Variants in LIMCH1 observed in about 807,000 individuals in gnomAD.
The protein encoded by LIMCH1 is LIM and calponin homology domains-containing protein 1.
In LIMCH1, 113 loss-of-function variants were observed where a neutral mutation model predicts 176.5. The observed-to-expected ratio is 0.64, with a 90% CI of 0.55 to 0.75. The LOEUF is 0.75. Among genes scored for constraint, LIMCH1 ranks in the 30% least tolerant of loss-of-function variants. The probability of loss-of-function intolerance (pLI) is 0.00; values close to 1 mark genes in which losing one functional copy is unlikely to be tolerated. For missense variants in LIMCH1, 1,674 were observed against 1,814.9 expected, an observed-to-expected ratio of 0.92 and a Z score of 1.41; for synonymous variants, 619 against 645.9, an observed-to-expected ratio of 0.96 and a Z score of 0.63.
At chr4:41,463,500 A>C (rs2065670541) in intron 1 of LIMCH1, among the ~76,000 whole-genome samples, 1 of 152,050 alleles carries the variant, frequency 6.6e-6, no homozygotes, top group East Asian at 1.9e-4. Flanking sequence ...TCCAGTTAGA[A>C]ATCTATCATG....
At chr4:41,631,649 T>A (rs1039451642) in intron 10 of LIMCH1, among the ~76,000 whole-genome samples, 172 bp downstream of exon 10, 1 of 152,206 alleles carries the variant, frequency 6.6e-6, no homozygotes, top group Non-Finnish European at 1.5e-5. Context: ...GTATGTGAAG[T>A]TAAATGGCAG....
intron 1 of LIMCH1, among the ~76,000 whole-genome samples, chr4:41,461,681 T>G: frequency 6.6e-6 from 1 of 152,206 alleles, no homozygotes; most frequent in Non-Finnish European, 1.5e-5. Context: ...TCTGTTAGGT[T>G]CTTGAAAGCT....
chr4:41,613,002 G>T, intron 4 of LIMCH1: 2 of 1,551,572 alleles, frequency 1.3e-6, no homozygotes, highest in Non-Finnish European at 8.7e-7. Context: ...GCCTGTATTT[G>T]CCAGATAGTA....
rs558000207 is a variant in LIMCH1, at chr4:41,366,951, C to T, written c.96+6015C>T. ...ACGTGGCTGGGGAGGCCTCAAGAAA[C>T]TTATAATTATGATGGAAGGCAAAGG... is the stretch of plus-strand genomic sequence containing the variant. On this transcript the variant is annotated intron_variant, in intron 1 of 26. Transcript: ENST00000313860. Among the ~76,000 whole-genome samples the T allele has an allele frequency of 2.0e-5, 3 of 152,216 alleles. 1 individual carries two copies. In the East Asian group the frequency reaches 5.8e-4, roughly 29 times the overall value.
intron 17 of LIMCH1, 27 bp downstream of exon 17, chr4:41,646,920 C>T (rs1306856317): frequency 1.3e-6 from 2 of 1,582,174 alleles, no homozygotes; most frequent in South Asian, 2.3e-5. Flanking sequence ...AAGAGTAGAA[C>T]CAAAGCTGAA....
chr4:41,662,855 C>G lies in LIMCH1; in HGVS notation c.3162C>G (p.Cys1054Trp). The G allele has an allele frequency of 6.2e-7, 1 of 1,614,050 alleles. No individual in the cohort carries two copies. The highest frequency in any genetic ancestry group is 8.5e-7 in the Non-Finnish European group (1 of 1,179,970). The change falls in exon 20 of 32, where the codon TGC (cysteine) becomes TGG (tryptophan). Residue 1054 changes from cysteine (C) to tryptophan (W), a missense_variant. Coordinates refer to ENST00000503057, the MANE Select transcript of LIMCH1 (RefSeq NM_001330672.2). ...ATTTTACAACAACTGTGACTCGATG[C>G]AGCCCGACCGTGGCCTTTGTGGAAT... is the stretch of plus-strand genomic sequence containing the variant. ...PQHFTTTVTR[C>W]SPTVAFVEFP...
intron 1 of LIMCH1, among the ~76,000 whole-genome samples, chr4:41,560,098 A>G (rs918303684): frequency 7.2e-5 from 11 of 152,202 alleles, no homozygotes; most frequent in African/African-American, 2.6e-4. Context: ...CCGTTCCTCC[A>G]TCTGCATTCC....
intron 2 of LIMCH1, among the ~76,000 whole-genome samples, chr4:41,600,939 C>A (rs909321200): frequency 2.0e-5 from 3 of 151,966 alleles, no homozygotes; most frequent in Admixed American, 1.3e-4. Flanking sequence ...GTCTTTTTTT[C>A]TGTCTCCTTT....
At chr4:41,681,121 C>A in intron 25 of LIMCH1, 62 bp downstream of exon 25, 1 of 987,534 alleles carries the variant, frequency 1.0e-6, no homozygotes, top group South Asian at 1.4e-5. Flanking sequence ...GTACCAAACC[C>A]CAAGACCAAG....
In LIMCH1 at chr4:41,697,448, G is replaced by C. The variant is rs577139866; in HGVS notation, c.*263G>C. On this transcript the variant is annotated 3_prime_UTR_variant, in exon 32 of 32. Transcript: ENST00000503057. ...TAATGATCCTGAATAGCTCAAAAAA[G>C]GTTTTAGCATGGTCAAACAGGCTTA... is the stretch of plus-strand genomic sequence containing the variant. The C allele has an allele frequency of 5.8e-5, 24 of 410,676 alleles. No homozygotes were observed. The highest frequency in any genetic ancestry group is 4.1e-4 in the African/African-American group (20 of 48,310). The allele number at this position is 410,676 out of a possible 1,614,324, so 25.4% of individuals were successfully genotyped here. A position where few individuals can be genotyped will look rare whatever the true frequency, so the allele number is the denominator to read the frequency against.
intron 8 of LIMCH1, among the ~76,000 whole-genome samples, chr4:41,627,484 A>G (rs1488998702): frequency 6.6e-6 from 1 of 152,236 alleles, no homozygotes; most frequent in Admixed American, 6.5e-5. Flanking sequence ...AGAAAAAAAA[A>G]TGAGACTTGT....
intron 31 of LIMCH1, 79 bp from the exon 32 acceptor site, chr4:41,697,081 C>T: frequency 6.9e-7 from 1 of 1,455,700 alleles, no homozygotes; most frequent in African/African-American, 1.4e-5. Context: ...GGCAGTTGCT[C>T]ATTAGGGAGG....
chr4:41,584,323 G>A (rs1270564583), intron 1 of LIMCH1, among the ~76,000 whole-genome samples: 2 of 152,112 alleles, frequency 1.3e-5, no homozygotes, highest in East Asian at 3.9e-4. Context: ...TGAAAGTTGG[G>A]TTTTAGATGA....
intron 3 of LIMCH1, among the ~76,000 whole-genome samples, chr4:41,528,322 G>A (rs2076904105): frequency 6.6e-6 from 1 of 152,106 alleles, no homozygotes; most frequent in Non-Finnish European, 1.5e-5. Context: ...TACTATTCTT[G>A]CAACCTTTTG....
At chr4:41,559,055 A>G (rs1391825950) in intron 1 of LIMCH1, among the ~76,000 whole-genome samples, 3 of 152,144 alleles carry the variant, frequency 2.0e-5, no homozygotes, top group Non-Finnish European at 1.5e-5. Context: ...AAAATATTTT[A>G]TCTGGTTTGG....
At chr4:41,374,952 TTGATTAGCC>T (rs2054514911) in intron 1 of LIMCH1, among the ~76,000 whole-genome samples, 1 of 152,098 alleles carries the variant, frequency 6.6e-6, no homozygotes, top group African/African-American at 2.4e-5. Flanking sequence ...AATAGATGAG[TTGATTAGCC>T]TAAGCCAATC....
chr4:41,501,444 A>G (rs1311146383), intron 2 of LIMCH1, among the ~76,000 whole-genome samples: 1 of 152,198 alleles, frequency 6.6e-6, no homozygotes, highest in African/African-American at 2.4e-5. Flanking sequence ...AGATTCCCTC[A>G]CTTTTTGGTA....
chr4:41,456,338 T>C (rs2154150275), intron 1 of LIMCH1, among the ~76,000 whole-genome samples: 1 of 152,340 alleles, frequency 6.6e-6, no homozygotes, highest in Middle Eastern at 3.4e-3. Flanking sequence ...TTATGTTTGA[T>C]TGTTTTGGGT....
chr4:41,390,655 C>G (rs1302577455), intron 1 of LIMCH1, among the ~76,000 whole-genome samples: 1 of 152,136 alleles, frequency 6.6e-6, no homozygotes, highest in Non-Finnish European at 1.5e-5. Context: ...ATTGGACATT[C>G]CTAAAGTTTC....
Sources: allele counts gnomAD v4.1 joint callset (sites outside exome capture counted in the v4.1 genomes callset), GRCh38; gene constraint gnomAD v4.1.1; transcripts MANE v1.5; gene names NCBI Gene and HGNC (gene_info 2026-07-23, HGNC 2026-07-21).